DDX60L: variants seen among roughly 807,000 people sequenced by gnomAD.
DDX60L encodes DExD/H-box 60 like, also known as probable ATP-dependent RNA helicase DDX60-like.
A neutral mutation model predicts 211.6 loss-of-function variants in DDX60L; 191 were observed. That is an observed-to-expected ratio of 0.90 (90% CI 0.80 to 1.02). The LOEUF (loss-of-function observed/expected upper bound fraction) is 1.02. DDX60L is among the 50% of genes least tolerant of loss of function. DDX60L has a pLI of 0.00. For missense variants in DDX60L, 2,007 were observed against 1,984.1 expected (o/e 1.01, Z -0.22); for synonymous variants, 706 against 694.1 (o/e 1.02, Z -0.27).
intron 35 of DDX60L, 26 bp downstream of exon 35, chr4:168,373,640 G>C (rs1047183020): frequency 6.2e-7 from 1 of 1,606,350 alleles, no homozygotes; most frequent in Admixed American, 1.7e-5. Flanking sequence ...AACACATTTT[G>C]TACATAAGAT....
rs181599587 is a variant in DDX60L, at chr4:168,431,054, A to T, written c.1517-416T>A. Reference sequence around the variant, plus strand: ...TTTGGTCTCTTGGTTTGCAAAGCCTAAAATATTTATTACTTAGACCTTTCA... The same window carrying T: ...TTTGGTCTCTTGGTTTGCAAAGCCTTAAATATTTATTACTTAGACCTTTCA... On this transcript the variant is annotated intron_variant, in intron 12 of 37. Transcript: ENST00000682922. Among the ~76,000 whole-genome samples the T allele has an allele frequency of 2.9e-3, 447 of 152,328 alleles. 2 individuals are homozygous for T. Among genetic ancestry groups the T allele is most frequent in the Non-Finnish European group, 5.2e-3 (356 of 68,024 alleles).
At chr4:168,431,249 C>A (rs1033684224) in intron 12 of DDX60L, among the ~76,000 whole-genome samples, 1 of 152,112 alleles carries the variant, frequency 6.6e-6, no homozygotes, top group Non-Finnish European at 1.5e-5. Flanking sequence ...TCCCAGGAAG[C>A]AAGGCTAGAT....
At position 168,375,286 on chromosome 4, in the gene DDX60L, C is replaced by T. The variant is rs1446522564; in HGVS notation, c.4633+91G>A. On this transcript the variant is annotated intron_variant, in intron 34 of 37. Transcript: ENST00000682922. ...AGCTGCCCTGTAATAAGCTCCTTTA[C>T]CAGCTTTGAAGCATCCAATATCCAG... The T allele has an allele frequency of 2.9e-6, 4 of 1,385,158 alleles. No homozygotes were observed. In the East Asian group the frequency reaches 1.0e-4, roughly 35 times the overall value. The allele number at this position is 1,385,158 out of a possible 1,614,324, so 85.8% of individuals were successfully genotyped here.
Position 168,422,506 on chromosome 4 carries a change from A to C in DDX60L, c.2244+18T>G, listed in dbSNP as rs377560011. 8.1e-6 allele frequency: 13 copies of C among 1,599,106 alleles called. No individual in the cohort carries two copies. Among genetic ancestry groups the C allele is most frequent in the Non-Finnish European group, 1.0e-5 (12 of 1,174,566 alleles). ...GAAGTCACACTGATTAGAAAAGTAC[A>C]ATGTTTGTTGTCATTACCTGCCATG... is the stretch of plus-strand genomic sequence containing the variant. On this transcript the variant is annotated intron_variant, in intron 16 of 37. Transcript: ENST00000682922.
chr4:168,470,932 G>A (rs1425749223), intron 4 of DDX60L: 2 of 196,880 alleles, frequency 1.0e-5, no homozygotes, highest in African/African-American at 4.7e-5. Context: ...ATGGGATGAG[G>A]ATGGACTGGG....
intron 13 of DDX60L, among the ~76,000 whole-genome samples, chr4:168,428,136 C>T (rs1054910846): frequency 3.3e-5 from 5 of 152,208 alleles, no homozygotes; most frequent in African/African-American, 1.2e-4. Flanking sequence ...CACTTTGATC[C>T]TTATGCTTGA....
chr4:168,415,092 C>G (rs984162473), intron 22 of DDX60L, among the ~76,000 whole-genome samples: 1 of 151,486 alleles, frequency 6.6e-6, no homozygotes, highest in Admixed American at 6.6e-5. Flanking sequence ...TACATAATTA[C>G]CATTGTGTAT....
chr4:168,477,867 G>C (rs1201035347), intron 1 of DDX60L, among the ~76,000 whole-genome samples: 2 of 152,226 alleles, frequency 1.3e-5, no homozygotes, highest in Non-Finnish European at 2.9e-5. Flanking sequence ...GAGGAGCTAT[G>C]ACCAAGGAAG....
intron 36 of DDX60L, among the ~76,000 whole-genome samples, chr4:168,361,652 A>G (rs1739129172): frequency 6.6e-6 from 1 of 152,212 alleles, no homozygotes; most frequent in South Asian, 2.1e-4. Context: ...AAGATGCAAG[A>G]TGCCTCTGCC....
intron 30 of DDX60L, 114 bp downstream of exon 30, chr4:168,384,498 A>G (rs902004): frequency 0.87 from 1,176,444 of 1,358,100 alleles, 511,497 homozygotes; most frequent in Middle Eastern, 0.93. Context: ...AAAACAATCA[A>G]ACAAAAAGAA....
intron 25 of DDX60L, among the ~76,000 whole-genome samples, chr4:168,401,723 T>C (rs1356628579): frequency 6.6e-6 from 1 of 152,220 alleles, no homozygotes; most frequent in Non-Finnish European, 1.5e-5. Flanking sequence ...CATAGAATTT[T>C]TTCGAATACT....
intron 4 of DDX60L, among the ~76,000 whole-genome samples, chr4:168,467,681 T>A (rs1758191167): frequency 6.6e-6 from 1 of 152,138 alleles, no homozygotes; most frequent in Non-Finnish European, 1.5e-5. Context: ...TTATCAAAAA[T>A]TTTATTCCAA....
At chr4:168,457,468 C>T (rs771413813) in intron 6 of DDX60L, among the ~76,000 whole-genome samples, 31 of 150,556 alleles carry the variant, frequency 2.1e-4, no homozygotes, top group Non-Finnish European at 4.3e-4. Context: ...GAAAGAGGTG[C>T]TTAGTAATCC....
intron 4 of DDX60L, chr4:168,469,702 C>G (rs531853024): frequency 6.6e-6 from 1 of 152,126 alleles, no homozygotes; most frequent in African/African-American, 2.4e-5. Context: ...ACGATGAAAC[C>G]CCATGTCTAC....
intron 36 of DDX60L, among the ~76,000 whole-genome samples, chr4:168,369,646 A>T (rs938538711): frequency 2.0e-5 from 3 of 151,760 alleles, no homozygotes; most frequent in Non-Finnish European, 2.9e-5. Context: ...TGGAGAGATA[A>T]CCTATAAGAT....
At chr4:168,395,594 G>C (rs554365220) in intron 27 of DDX60L, 1 of 164,772 alleles carries the variant, frequency 6.1e-6, no homozygotes, top group African/African-American at 2.4e-5. Context: ...ATGTTATATA[G>C]GTCTCTGAAA....
rs1352692114 is a variant in DDX60L at position 168,379,503 on chromosome 4, T to G, written c.4223A>C (p.Asp1408Ala). 6.4e-7 allele frequency: 1 copy of G among 1,558,348 alleles called. No homozygotes were observed. ...TGGATTACCCTTTTTATTTAAATAG[T>G]CCTAAAAATGAGAAACAAAAAGTTG... ...LFSLQLLIKE[D>A]YLNKKGNPKK... is the part of the protein sequence containing the mutation. The change falls in exon 32 of 38, where the codon GAC (aspartate) becomes GCC (alanine). Residue 1408 changes from aspartate to alanine, a missense_variant and splice_region_variant. Transcript: ENST00000682922.
chr4:168,392,451 A>C (rs1745000886), intron 28 of DDX60L, among the ~76,000 whole-genome samples: 1 of 152,148 alleles, frequency 6.6e-6, no homozygotes. Flanking sequence ...TCCAAATTCA[A>C]CCCATTATTG....
At chr4:168,391,467 G>A (rs1744803940) in intron 29 of DDX60L, 73 bp downstream of exon 29, 1 of 975,526 alleles carries the variant, frequency 1.0e-6, no homozygotes, top group Non-Finnish European at 1.6e-6. Flanking sequence ...CCTGTTACCA[G>A]ATGTGAGTGC....
Sources: gnomAD v4.1 joint callset for allele counts (sites outside exome capture counted in the v4.1 genomes callset) on GRCh38, gnomAD v4.1.1 for gene constraint, MANE v1.5 for transcripts, NCBI Gene and HGNC (gene_info 2026-07-23, HGNC 2026-07-21) for gene names.